XPO4: variants seen among roughly 807,000 people sequenced by gnomAD.
XPO4 encodes the protein exportin 4.
In XPO4, 39 loss-of-function variants were observed where a neutral mutation model predicts 143.0. The observed-to-expected ratio is 0.27, with a 90% CI of 0.21 to 0.36. The LOEUF (loss-of-function observed/expected upper bound fraction) is 0.36. Ranked by LOEUF, XPO4 falls within the 10% of genes least tolerant of loss-of-function variation. The probability of loss-of-function intolerance (pLI) is 1.00; values close to 1 mark genes in which losing one functional copy is unlikely to be tolerated. For synonymous variants in XPO4, 439 were observed against 474.0 expected, an observed-to-expected ratio of 0.93 and a Z score of 0.96; for missense variants, 907 against 1,348.0, an observed-to-expected ratio of 0.67 and a Z score of 5.12.
intron 6 of XPO4, among the ~76,000 whole-genome samples, chr13:20,834,858 G>A (rs531153918): frequency 6.6e-6 from 1 of 152,208 alleles, no homozygotes; most frequent in South Asian, 2.1e-4. Context: ...CTACTTGGGA[G>A]GCTGAGGCAG....
At chr13:20,819,651 C>A (rs1393482089) in intron 9 of XPO4, among the ~76,000 whole-genome samples, 1 of 151,680 alleles carries the variant, frequency 6.6e-6, no homozygotes, top group Non-Finnish European at 1.5e-5. Context: ...CAGAGCGAGA[C>A]TCCATCTCAA....
chr13:20,864,869 G>A (rs535725669), intron 2 of XPO4, among the ~76,000 whole-genome samples: 13 of 145,570 alleles, frequency 8.9e-5, no homozygotes, highest in African/African-American at 2.5e-4. Context: ...TAAGAATGGA[G>A]GAATAAAAAA....
At chr13:20,793,072 G>A (rs957556779) in intron 18 of XPO4, among the ~76,000 whole-genome samples, 1 of 152,146 alleles carries the variant, frequency 6.6e-6, no homozygotes, top group Non-Finnish European at 1.5e-5. Context: ...TTACAGGCGT[G>A]AGCCACCACA....
At chr13:20,882,087 G>C (rs1595159234) in intron 1 of XPO4, among the ~76,000 whole-genome samples, 1 of 142,526 alleles carries the variant, frequency 7.0e-6, no homozygotes, top group Non-Finnish European at 1.5e-5. Flanking sequence ...TCCAGCCTGG[G>C]CGACAGAGTA....
intron 1 of XPO4, among the ~76,000 whole-genome samples, chr13:20,894,650 T>C (rs1229359904): frequency 6.6e-6 from 1 of 151,950 alleles, no homozygotes; most frequent in Non-Finnish European, 1.5e-5. Context: ...AAGACCAGCC[T>C]GGCCAACATG....
At chr13:20,813,075 G>T (rs953025725) in intron 9 of XPO4, among the ~76,000 whole-genome samples, 2 of 152,138 alleles carry the variant, frequency 1.3e-5, no homozygotes, top group Non-Finnish European at 2.9e-5. Context: ...AGGCGAAGGG[G>T]AAGCAAGCAT....
intron 12 of XPO4, 81 bp downstream of exon 12, chr13:20,808,355 T>C: frequency 7.3e-7 from 1 of 1,376,792 alleles, no homozygotes; most frequent in Non-Finnish European, 9.7e-7. Flanking sequence ...TATACACTAT[T>C]GTTTTTCATA....
At chr13:20,813,596 A>AC (rs1472627223) in intron 9 of XPO4, among the ~76,000 whole-genome samples, 1 of 152,130 alleles carries the variant, frequency 6.6e-6, no homozygotes, top group African/African-American at 2.4e-5. Flanking sequence ...ATTTGACACT[A>AC]CTATCTTCTA....
chr13:20,883,389 G>A (rs539657261), intron 1 of XPO4, among the ~76,000 whole-genome samples: 21 of 152,154 alleles, frequency 1.4e-4, no homozygotes, highest in Admixed American at 7.2e-4. Flanking sequence ...AGGAAAAATC[G>A]TATTACTGAT....
At chr13:20,876,264 G>GAAAAAA (rs35708026) in intron 1 of XPO4, among the ~76,000 whole-genome samples, 10 of 81,854 alleles carry the variant, frequency 1.2e-4, no homozygotes, top group Non-Finnish European at 1.7e-4. Flanking sequence ...CTCCATCTCG[G>GAAAAAA]AAAAAAAAAA....
chr13:20,865,043 G>C (rs1337652745), intron 2 of XPO4, among the ~76,000 whole-genome samples: 1 of 151,998 alleles, frequency 6.6e-6, no homozygotes, highest in Non-Finnish European at 1.5e-5. Flanking sequence ...TATGAAATTA[G>C]AACTTCACAA....
At chr13:20,873,170 TAA>T (rs1344467617) in intron 1 of XPO4, among the ~76,000 whole-genome samples, 1 of 150,878 alleles carries the variant, frequency 6.6e-6, no homozygotes, top group Non-Finnish European at 1.5e-5. Context: ...CACAAATTCC[TAA>T]CTCAATAGAC....
chr13:20,798,184 AG>A (rs1238262447), intron 16 of XPO4, among the ~76,000 whole-genome samples: 1 of 152,176 alleles, frequency 6.6e-6, no homozygotes, highest in Non-Finnish European at 1.5e-5. Context: ...TAATTAGTTC[AG>A]ATGAGGTCAT....
intron 7 of XPO4, among the ~76,000 whole-genome samples, chr13:20,825,654 G>A (rs964810722): frequency 2.0e-5 from 3 of 152,142 alleles, no homozygotes; most frequent in African/African-American, 7.2e-5. Flanking sequence ...AAAAACTGCT[G>A]GAGTGGAATC....
At chr13:20,896,469 C>T (rs1168131665) in intron 1 of XPO4, among the ~76,000 whole-genome samples, 1 of 152,134 alleles carries the variant, frequency 6.6e-6, no homozygotes. Context: ...TATCAGTGCC[C>T]TATAATTTAT....
At chr13:20,840,871 C>T (rs2059967036) in intron 6 of XPO4, among the ~76,000 whole-genome samples, 2 of 152,200 alleles carry the variant, frequency 1.3e-5, no homozygotes, top group African/African-American at 2.4e-5. Flanking sequence ...AAAATATCCT[C>T]AAGTCAAAAA....
rs118008983 is a variant in XPO4 at position 20,885,575 on chromosome 13, A to G, written c.70-16874T>C. 7.7e-3 allele frequency among the ~76,000 whole-genome samples: 1,166 copies of G among 152,340 alleles called. 4 individuals are homozygous for G. The highest frequency in any genetic ancestry group is 0.01 in the Non-Finnish European group (691 of 68,044). On this transcript the variant is annotated intron_variant, in intron 1 of 22. Coordinates refer to ENST00000255305, the MANE Select transcript of XPO4 (RefSeq NM_022459.5). ...AAGATGGACAGACTGGATAAAAAAG[A>G]AAATCCAAAATTATGCTGTTTATAA...
chr13:20,871,714 T>C (rs1348880230), intron 1 of XPO4, among the ~76,000 whole-genome samples: 1 of 152,202 alleles, frequency 6.6e-6, no homozygotes, highest in African/African-American at 2.4e-5. Context: ...ATATCCATAA[T>C]TGTGCAAATT....
At chr13:20,830,078 C>G (rs953541248) in intron 6 of XPO4, among the ~76,000 whole-genome samples, 3 of 152,012 alleles carry the variant, frequency 2.0e-5, no homozygotes, top group Admixed American at 2.0e-4. Flanking sequence ...CAAAATAACC[C>G]TGAAATCTGA....
Sources: gnomAD v4.1 joint callset for allele counts (sites outside exome capture counted in the v4.1 genomes callset) on GRCh38, gnomAD v4.1.1 for gene constraint, MANE v1.5 for transcripts, NCBI Gene and HGNC (gene_info 2026-07-23, HGNC 2026-07-21) for gene names.